IGSF21: variants seen among roughly 807,000 people sequenced by gnomAD.
The protein encoded by IGSF21 is immunoglobin superfamily member 21.
A neutral mutation model predicts 46.8 loss-of-function variants in IGSF21; 28 were observed. That is an observed-to-expected ratio of 0.60 (90% CI 0.44 to 0.82). The LOEUF (loss-of-function observed/expected upper bound fraction) is 0.82, where lower values mean the gene tolerates loss of function less well. Ranked by LOEUF, IGSF21 falls within the 40% of genes least tolerant of loss-of-function variation. The probability of loss-of-function intolerance (pLI) is 0.00; values close to 1 mark genes in which losing one functional copy is unlikely to be tolerated. For missense variants in IGSF21, 624 were observed against 665.5 expected, an observed-to-expected ratio of 0.94 and a Z score of 0.69; for synonymous variants, 284 against 273.6, an observed-to-expected ratio of 1.04 and a Z score of -0.38.
rs998797946 is a variant in IGSF21, at chr1:18,365,050, C to T, written c.541-173C>T. Among the ~76,000 whole-genome samples the T allele has an allele frequency of 1.3e-5, 2 of 152,180 alleles. No individual in the cohort carries two copies. Among genetic ancestry groups the T allele is most frequent in the African/African-American group, 4.8e-5 (2 of 41,436 alleles). ...CTGCATGTGTTCCCATTGTACCACA[C>T]TGGCTCATAGTTCTTGGGGGTGTTG... On this transcript the variant is annotated intron_variant, in intron 5 of 9. Coordinates refer to ENST00000251296, the MANE Select transcript of IGSF21 (RefSeq NM_032880.5). The surrounding 1 kb of genome is among the most constrained non-coding windows in gnomAD (Gnocchi z 4.8).
intron 2 of IGSF21, among the ~76,000 whole-genome samples, chr1:18,239,175 G>A (rs969738053): frequency 4.6e-5 from 7 of 152,114 alleles, no homozygotes; most frequent in African/African-American, 1.7e-4. Context: ...TGCCCTGTTG[G>A]GTTTAAATGA....
intron 2 of IGSF21, chr1:18,278,959 G>C: frequency 2.1e-6 from 1 of 469,644 alleles, no homozygotes; most frequent in Non-Finnish European, 4.4e-6. Context: ...GTAATCAAAT[G>C]TTGGGGGAAG....
At chr1:18,350,761 T>C (rs1219465106) in intron 4 of IGSF21, among the ~76,000 whole-genome samples, 2 of 152,170 alleles carry the variant, frequency 1.3e-5, no homozygotes, top group Non-Finnish European at 2.9e-5. Flanking sequence ...GCGGCAAGAA[T>C]GATTTACTTG....
At position 18,366,723 on chromosome 1, in the gene IGSF21, A is replaced by G. The variant is rs551737382; in HGVS notation, c.1015+1026A>G. On this transcript the variant is annotated intron_variant, in intron 6 of 9. Coordinates refer to ENST00000251296, the MANE Select transcript of IGSF21 (RefSeq NM_032880.5). ...TGTCATCTGTGGGTATGTGGGAGGCAGGCAAAGAGGACACTGGCTGCCCAG... is the reference window on the plus strand; with the variant it reads ...TGTCATCTGTGGGTATGTGGGAGGCGGGCAAAGAGGACACTGGCTGCCCAG... 2.0e-5 allele frequency among the ~76,000 whole-genome samples: 3 copies of G among 152,306 alleles called. No homozygotes were observed. In the East Asian group the frequency reaches 5.8e-4, roughly 29 times the overall value.
intron 5 of IGSF21, among the ~76,000 whole-genome samples, chr1:18,364,768 C>T (rs1213637327): frequency 1.3e-5 from 2 of 152,134 alleles, no homozygotes; most frequent in South Asian, 4.1e-4. Flanking sequence ...CCCAACGTCT[C>T]ACTTCATCCC....
rs922917474 is a variant in IGSF21, at chr1:18,130,751, A to T, written c.70+22553A>T. On this transcript the variant is annotated intron_variant, in intron 1 of 9. Coordinates refer to ENST00000251296, the MANE Select transcript of IGSF21 (RefSeq NM_032880.5). ...AATATCAGGACATTTGTGGAGAAAAAAAATGTTACCTGAGAAAAAAGATGA... is the reference window on the plus strand; with the variant it reads ...AATATCAGGACATTTGTGGAGAAAATAAATGTTACCTGAGAAAAAAGATGA... Among the ~76,000 whole-genome samples the T allele has an allele frequency of 7.9e-5, 12 of 152,200 alleles. 1 individual carries two copies. The highest frequency in any genetic ancestry group is 7.9e-4 in the Admixed American group (12 of 15,284).
intron 2 of IGSF21, among the ~76,000 whole-genome samples, chr1:18,274,187 T>G (rs2085078410): frequency 6.6e-6 from 1 of 152,220 alleles, no homozygotes; most frequent in Admixed American, 6.5e-5. Flanking sequence ...CTTCTGCAAT[T>G]TATAGCCAGG....
intron 1 of IGSF21, among the ~76,000 whole-genome samples, chr1:18,204,611 G>C (rs1423706675): frequency 2.0e-5 from 3 of 152,114 alleles, no homozygotes; most frequent in Non-Finnish European, 4.4e-5. Context: ...GCTAGAGAAG[G>C]CTAGGTCAAG....
At chr1:18,197,469 C>G (rs746170413) in intron 1 of IGSF21, among the ~76,000 whole-genome samples, 6 of 152,344 alleles carry the variant, frequency 3.9e-5, no homozygotes, top group South Asian at 4.1e-4. Flanking sequence ...ATTATCATCC[C>G]ACAAATGCTG....
intron 2 of IGSF21, among the ~76,000 whole-genome samples, chr1:18,234,883 T>C (rs12041024): frequency 0.21 from 32,479 of 152,092 alleles, 3,936 homozygotes; most frequent in East Asian, 0.27. Context: ...AGCTGTTAAG[T>C]TGTAACCATC....
At chr1:18,292,091 T>A in intron 3 of IGSF21, 104 bp downstream of exon 3, 1 of 1,263,604 alleles carries the variant, frequency 7.9e-7, no homozygotes, top group Non-Finnish European at 1.1e-6. Context: ...CCCTCGGTGC[T>A]CTTGGGCTTG....
intron 5 of IGSF21, among the ~76,000 whole-genome samples, chr1:18,363,983 T>C (rs1276414135): frequency 1.3e-5 from 2 of 152,112 alleles, no homozygotes; most frequent in African/African-American, 2.4e-5. Context: ...AGGTCCAGTC[T>C]CCCTAAAATC....
intron 2 of IGSF21, among the ~76,000 whole-genome samples, chr1:18,280,013 T>G (rs2085143426): frequency 6.6e-6 from 1 of 152,206 alleles, no homozygotes; most frequent in East Asian, 1.9e-4. Flanking sequence ...TCAGCCAGAC[T>G]GGTACAAGCT....
chr1:18,374,455 A>T (rs884324), intron 6 of IGSF21, among the ~76,000 whole-genome samples: 3,951 of 152,186 alleles, frequency 0.026, 168 homozygotes, highest in African/African-American at 0.088. Context: ...GGGAATGCGA[A>T]GGGGAGCCAC....
intron 1 of IGSF21, among the ~76,000 whole-genome samples, chr1:18,148,701 G>A (rs1394786175): frequency 6.6e-6 from 1 of 152,182 alleles, no homozygotes; most frequent in Non-Finnish European, 1.5e-5. Context: ...AGATGTTTGT[G>A]GAGTGAGAGG....
chr1:18,157,584 C>A (rs539597879), intron 1 of IGSF21, among the ~76,000 whole-genome samples: 3 of 152,242 alleles, frequency 2.0e-5, no homozygotes, highest in Non-Finnish European at 2.9e-5. Context: ...TCCGCTCTGA[C>A]TTTCTGCCTC....
intron 3 of IGSF21, among the ~76,000 whole-genome samples, chr1:18,318,643 G>A (rs1344185366): frequency 1.3e-5 from 2 of 151,984 alleles, no homozygotes; most frequent in African/African-American, 2.4e-5. Flanking sequence ...GCACCTGACG[G>A]CCCCAGCTCA....
At chr1:18,352,667 G>A (rs1356953488) in intron 4 of IGSF21, among the ~76,000 whole-genome samples, 1 of 152,202 alleles carries the variant, frequency 6.6e-6, no homozygotes, top group Non-Finnish European at 1.5e-5. Flanking sequence ...GGTCCGCTCT[G>A]CCCGGCTTCA....
chr1:18,330,271 C>A (rs182221992), intron 3 of IGSF21, among the ~76,000 whole-genome samples: 3 of 152,266 alleles, frequency 2.0e-5, no homozygotes, highest in African/African-American at 7.2e-5. Flanking sequence ...AAAGCTGTGA[C>A]CTGGCAGCTG....
Sources: gnomAD v4.1 joint callset for allele counts (sites outside exome capture counted in the v4.1 genomes callset) on GRCh38, gnomAD v4.1.1 for gene constraint, Gnocchi (gnomAD v3.1) non-coding constraint, MANE v1.5 for transcripts, NCBI Gene and HGNC (gene_info 2026-07-23, HGNC 2026-07-21) for gene names.